CLEC16A: variants seen among roughly 807,000 people sequenced by gnomAD.
The protein encoded by CLEC16A is protein CLEC16A.
Under a neutral mutation model 109.5 loss-of-function variants are expected in CLEC16A, and 51 were observed. That is an observed-to-expected ratio of 0.47 (90% CI 0.37 to 0.59). The LOEUF (loss-of-function observed/expected upper bound fraction) is 0.59, where lower values mean the gene tolerates loss of function less well. CLEC16A is among the 20% of genes least tolerant of loss of function. The probability of loss-of-function intolerance (pLI) is 0.00; values close to 1 mark genes in which losing one functional copy is unlikely to be tolerated. For synonymous variants in CLEC16A, 673 were observed against 564.2 expected (o/e 1.19, Z -2.73); for missense variants, 1,339 against 1,394.0 (o/e 0.96, Z 0.63).
At chr16:11,167,465 A>G (rs1044765154) in intron 23 of CLEC16A, among the ~76,000 whole-genome samples, 3 of 152,124 alleles carry the variant, frequency 2.0e-5, no homozygotes, top group Non-Finnish European at 4.4e-5. Flanking sequence ...TTGATTGATC[A>G]TGGCAGGAGG....
intron 13 of CLEC16A, chr16:11,026,943 C>G: frequency 8.2e-7 from 1 of 1,216,538 alleles, no homozygotes. Context: ...ACAGACGTCT[C>G]TATGGTCAAG....
chr16:11,143,267 A>G (rs768992028), intron 22 of CLEC16A, among the ~76,000 whole-genome samples: 3 of 152,212 alleles, frequency 2.0e-5, no homozygotes, highest in Non-Finnish European at 4.4e-5. Context: ...TGGCTGGTCT[A>G]GTAGGGATGG....
intron 19 of CLEC16A, among the ~76,000 whole-genome samples, chr16:11,075,775 GGGAGGATGAGATGTCA>G (rs1056139584): frequency 1.3e-5 from 2 of 152,030 alleles, no homozygotes; most frequent in Admixed American, 1.3e-4. Context: ...TGAGGTGCTT[GGGAGGATGAGATGTCA>G]GGAGGATGAG....
At chr16:11,107,195 A>G (rs546648403) in intron 19 of CLEC16A, among the ~76,000 whole-genome samples, 46 of 152,108 alleles carry the variant, frequency 3.0e-4, no homozygotes, top group African/African-American at 1.1e-3. Context: ...CCCATTATCT[A>G]CATACCTCAT....
At chr16:11,029,114 T>G (rs2046591509) in intron 13 of CLEC16A, among the ~76,000 whole-genome samples, 1 of 152,196 alleles carries the variant, frequency 6.6e-6, no homozygotes, top group South Asian at 2.1e-4. Flanking sequence ...TAATTGGAGT[T>G]GGTTTGATCC....
intron 1 of CLEC16A, among the ~76,000 whole-genome samples, chr16:10,947,039 C>T (rs889689461): frequency 1.3e-5 from 2 of 152,212 alleles, no homozygotes; most frequent in Admixed American, 6.5e-5. Flanking sequence ...GAATGGTAAA[C>T]GGTCTCTGGT....
intron 23 of CLEC16A, among the ~76,000 whole-genome samples, chr16:11,171,844 T>A (rs2068524301): frequency 6.6e-6 from 1 of 150,772 alleles, no homozygotes; most frequent in Non-Finnish European, 1.5e-5. Flanking sequence ...ATAGTCACAC[T>A]CCCACACAGT....
At chr16:11,041,304 A>G (rs553943655) in intron 14 of CLEC16A, 10 of 152,386 alleles carry the variant, frequency 6.6e-5, no homozygotes, top group African/African-American at 2.2e-4. Context: ...AAGTAATAGC[A>G]TAGTAAGTAA....
In CLEC16A at chr16:10,948,447, C is replaced by T. The variant is rs111344158; in HGVS notation, c.80+3650C>T. 9.9e-3 allele frequency among the ~76,000 whole-genome samples: 1,503 copies of T among 152,266 alleles called. 19 individuals carry two copies. Among genetic ancestry groups the T allele is most frequent in the African/African-American group, 0.035 (1,437 of 41,530 alleles). Reference sequence around the variant, plus strand: ...AGTCAAGAGGTTATTTGCTACACACCATGGGTGGTTTATTGTCCAGATTAG... The same window carrying T: ...AGTCAAGAGGTTATTTGCTACACACTATGGGTGGTTTATTGTCCAGATTAG... On this transcript the variant is annotated intron_variant, in intron 1 of 23. Coordinates refer to ENST00000409790, the MANE Select transcript of CLEC16A (RefSeq NM_015226.3).
intron 19 of CLEC16A, among the ~76,000 whole-genome samples, chr16:11,065,634 C>T (rs2048718593): frequency 6.6e-6 from 1 of 152,148 alleles, no homozygotes; most frequent in South Asian, 2.1e-4. Context: ...TGGGATGGCT[C>T]CATAGAGGTG....
At chr16:11,020,441 C>T in intron 12 of CLEC16A, 116 bp downstream of exon 12, 1 of 1,302,000 alleles carries the variant, frequency 7.7e-7, no homozygotes, top group Non-Finnish European at 1.0e-6. Context: ...ACCATGCTGC[C>T]TCCCTTTCTT....
At chr16:11,109,995 T>C (rs1284687162) in intron 19 of CLEC16A, among the ~76,000 whole-genome samples, 4 of 152,238 alleles carry the variant, frequency 2.6e-5, no homozygotes, top group Non-Finnish European at 5.9e-5. Context: ...AATTAAATTA[T>C]GGATTGGCAT....
chr16:10,982,125 A>AAAATAGCT (rs1567538054), intron 9 of CLEC16A, among the ~76,000 whole-genome samples: 1 of 152,228 alleles, frequency 6.6e-6, no homozygotes, highest in Admixed American at 6.5e-5. Context: ...TTGCCTTTAC[A>AAAATAGCT]TTTTAAAACA....
intron 22 of CLEC16A, among the ~76,000 whole-genome samples, chr16:11,155,654 A>G (rs2054483058): frequency 6.6e-6 from 1 of 152,272 alleles, no homozygotes; most frequent in African/African-American, 2.4e-5. Flanking sequence ...AGTTCCAGAT[A>G]GTATCTTCAG....
At position 10,944,606 on chromosome 16, in the gene CLEC16A, C is replaced by A. The variant is rs1031778250; in HGVS notation, c.-112C>A. On this transcript the variant is annotated 5_prime_UTR_variant, in exon 1 of 24. Coordinates refer to ENST00000409790, the MANE Select transcript of CLEC16A (RefSeq NM_015226.3). ...CGGGGAGGAAGGCGGCTCGCGGTTC[C>A]TCCACCGCCTCCGCCGCCGCATCCT... The A allele has an allele frequency of 5.1e-5, 54 of 1,067,142 alleles. No individual in the cohort carries two copies. Among genetic ancestry groups the A allele is most frequent in the Non-Finnish European group, 7.1e-5 (52 of 736,502 alleles). The allele number at this position is 1,067,142 out of a possible 1,614,324, so 66.1% of individuals were successfully genotyped here.
At chr16:11,104,431 C>T (rs902642159) in intron 19 of CLEC16A, among the ~76,000 whole-genome samples, 25 of 152,132 alleles carry the variant, frequency 1.6e-4, no homozygotes, top group African/African-American at 5.8e-4. Context: ...CCAGCATATC[C>T]CAGAGGTTTT....
At chr16:11,138,472 G>A (rs2053671913) in intron 22 of CLEC16A, among the ~76,000 whole-genome samples, 4 of 152,332 alleles carry the variant, frequency 2.6e-5, no homozygotes, top group South Asian at 4.1e-4. Context: ...GTGGCAAAAT[G>A]GACTTGGGTT....
intron 23 of CLEC16A, among the ~76,000 whole-genome samples, chr16:11,170,484 T>C (rs758329585): frequency 6.6e-6 from 1 of 152,194 alleles, no homozygotes; most frequent in African/African-American, 2.4e-5. Flanking sequence ...ACTCTCCACA[T>C]TTATCCCAAA....
At chr16:10,957,735 C>T (rs1162385142) in intron 1 of CLEC16A, 47 bp from the exon 2 acceptor site, 5 of 1,606,254 alleles carry the variant, frequency 3.1e-6, no homozygotes, top group Non-Finnish European at 4.3e-6. Context: ...ACTTGGCTTG[C>T]ATTTCAGTTG....
Sources: gnomAD v4.1 joint callset for allele counts (sites outside exome capture counted in the v4.1 genomes callset) on GRCh38, gnomAD v4.1.1 for gene constraint, MANE v1.5 for transcripts, NCBI Gene and HGNC (gene_info 2026-07-23, HGNC 2026-07-21) for gene names.